The following GRM8 variants were observed in gnomAD, a reference collection of about 807,000 sequenced individuals.
GRM8 encodes metabotropic glutamate receptor 8.
GRM8 carries 47 observed loss-of-function variants against 87.2 expected under a neutral mutation model. The observed-to-expected ratio is 0.54, with a 90% CI of 0.43 to 0.69. The LOEUF is 0.69. Among genes scored for constraint, GRM8 ranks in the 30% least tolerant of loss-of-function variants. GRM8 has a pLI of 0.00. For synonymous variants in GRM8, 396 were observed against 404.5 expected, an observed-to-expected ratio of 0.98 and a Z score of 0.25; for missense variants, 1,019 against 1,139.2, an observed-to-expected ratio of 0.89 and a Z score of 1.52.
intron 3 of GRM8, among the ~76,000 whole-genome samples, chr7:126,953,123 C>T (rs183343080): frequency 2.1e-4 from 32 of 152,084 alleles, no homozygotes; most frequent in Admixed American, 9.8e-4. Flanking sequence ...AAAGGTATTG[C>T]CTTTACTTCA....
chr7:126,495,795 T>C (rs1383654086), intron 9 of GRM8, among the ~76,000 whole-genome samples: 1 of 152,000 alleles, frequency 6.6e-6, no homozygotes, highest in Non-Finnish European at 1.5e-5. Context: ...TTTCTGCTTC[T>C]TAAGCACATA....
At position 127,143,427 on chromosome 7, in the gene GRM8, G is replaced by A. The variant is rs559277677; in HGVS notation, c.511-36715C>T. Among the ~76,000 whole-genome samples, 129 of 152,236 alleles carry A rather than the reference G, an allele frequency of 8.5e-4. No individual in the cohort carries two copies. The South Asian group carries it at 0.016, about 19-fold the overall frequency. Reference sequence around the variant, plus strand: ...ATAAGTATTAACTAATATCCAGTGTGATACCTCTCAAAATAACTTGCTTAT... The same window carrying A: ...ATAAGTATTAACTAATATCCAGTGTAATACCTCTCAAAATAACTTGCTTAT... On this transcript the variant is annotated intron_variant, in intron 2 of 10. Transcript: ENST00000339582.
At chr7:127,213,702 C>T (rs1796356306) in intron 2 of GRM8, among the ~76,000 whole-genome samples, 1 of 152,148 alleles carries the variant, frequency 6.6e-6, no homozygotes, top group Non-Finnish European at 1.5e-5. Flanking sequence ...ATTCTTTCTT[C>T]ACTAGGTCTA....
intron 2 of GRM8, among the ~76,000 whole-genome samples, chr7:127,223,009 CAAG>C (rs1454727840): frequency 6.6e-6 from 1 of 152,124 alleles, no homozygotes; most frequent in Non-Finnish European, 1.5e-5. Context: ...GAGAGAGGAA[CAAG>C]AAGAAGAGCA....
chr7:126,628,622 T>C (rs996726171), intron 7 of GRM8, among the ~76,000 whole-genome samples: 3 of 152,234 alleles, frequency 2.0e-5, no homozygotes, highest in Non-Finnish European at 2.9e-5. Flanking sequence ...AACAATTACT[T>C]AAAATTTTTT....
intron 2 of GRM8, among the ~76,000 whole-genome samples, chr7:127,211,644 C>T (rs547171370): frequency 3.5e-4 from 54 of 152,322 alleles, no homozygotes; most frequent in South Asian, 4.1e-4. Flanking sequence ...GAGGCCCCAC[C>T]TTCATGGCTG....
Position 126,614,211 on chromosome 7 carries a change from C to T in GRM8, c.1358-4713G>A, listed in dbSNP as rs147696054. On this transcript the variant is annotated intron_variant, in intron 7 of 10. Coordinates refer to ENST00000339582, the MANE Select transcript of GRM8 (RefSeq NM_000845.3). ...AGGAACGGTCAGGCAGCATCGTTTG[C>T]TGTTCAGCAATATTCACTACTCTGC... 1.4e-4 allele frequency among the ~76,000 whole-genome samples: 21 copies of T among 152,304 alleles called. No individual in the cohort carries two copies. In the East Asian group the frequency reaches 4.1e-3, roughly 30 times the overall value.
intron 4 of GRM8, 99 bp downstream of exon 4, chr7:126,904,449 G>T: frequency 8.7e-7 from 1 of 1,152,564 alleles, no homozygotes; most frequent in Non-Finnish European, 1.3e-6. Context: ...TCTGTTATTG[G>T]AAGGCAATTA....
At chr7:126,783,285 A>G (rs1460292775) in intron 6 of GRM8, among the ~76,000 whole-genome samples, 1 of 152,184 alleles carries the variant, frequency 6.6e-6, no homozygotes, top group Non-Finnish European at 1.5e-5. Context: ...GGTTAATATC[A>G]ATGTTGTTAA....
chr7:126,966,871 A>G (rs1809923945), intron 3 of GRM8, among the ~76,000 whole-genome samples: 1 of 152,204 alleles, frequency 6.6e-6, no homozygotes, highest in South Asian at 2.1e-4. Flanking sequence ...GTCTGCTCTG[A>G]TGGACAAAAG....
chr7:126,508,123 C>T lies in GRM8; in HGVS notation c.2430+24829G>A, dbSNP rs114056431. On this transcript the variant is annotated intron_variant, in intron 9 of 10. Coordinates refer to ENST00000339582, the MANE Select transcript of GRM8 (RefSeq NM_000845.3). The stretch of plus-strand genomic sequence containing the variant: ...AAGTAATCTACACCTCCAACTTCAG[C>T]TTCTGGCCTAAATTACATTTTTATA... Among the ~76,000 whole-genome samples, 451 of 152,112 alleles carry T rather than the reference C, an allele frequency of 3.0e-3. 2 individuals are homozygous for T. Among genetic ancestry groups the T allele is most frequent in the African/African-American group, 0.011 (443 of 41,518 alleles).
chr7:126,873,069 A>T (rs1385414972), intron 6 of GRM8, among the ~76,000 whole-genome samples: 1 of 152,124 alleles, frequency 6.6e-6, no homozygotes, highest in Non-Finnish European at 1.5e-5. Flanking sequence ...ACACCTGCGC[A>T]TACATACACA....
chr7:127,247,330 T>C (rs1798631186), intron 1 of GRM8, among the ~76,000 whole-genome samples: 1 of 152,174 alleles, frequency 6.6e-6, no homozygotes, highest in Non-Finnish European at 1.5e-5. Context: ...TTAGCAGGTA[T>C]GATTAAAATA....
intron 3 of GRM8, among the ~76,000 whole-genome samples, chr7:127,056,698 T>C (rs961944179): frequency 1.3e-5 from 2 of 152,232 alleles, no homozygotes; most frequent in African/African-American, 4.8e-5. Context: ...TTATAAAGAA[T>C]TACTTTGCTT....
chr7:126,880,157 G>A (rs1475030872), intron 6 of GRM8, among the ~76,000 whole-genome samples: 3 of 152,138 alleles, frequency 2.0e-5, no homozygotes, highest in Non-Finnish European at 1.5e-5. Context: ...TCATTAAAAT[G>A]TTTATTAGAT....
At chr7:126,919,554 T>C (rs1804289289) in intron 3 of GRM8, among the ~76,000 whole-genome samples, 1 of 151,966 alleles carries the variant, frequency 6.6e-6, no homozygotes, top group South Asian at 2.1e-4. Context: ...CTTGGTCAGG[T>C]GCTAGGGATC....
intron 6 of GRM8, among the ~76,000 whole-genome samples, chr7:126,876,726 T>C (rs969343399): frequency 2.0e-5 from 3 of 152,144 alleles, no homozygotes; most frequent in Non-Finnish European, 4.4e-5. Flanking sequence ...TCAGCTAGCG[T>C]TTTCAATGTG....
At chr7:126,924,612 T>C (rs1238887908) in intron 3 of GRM8, among the ~76,000 whole-genome samples, 1 of 152,148 alleles carries the variant, frequency 6.6e-6, no homozygotes, top group Admixed American at 6.5e-5. Flanking sequence ...TCCTTCCTTT[T>C]TCCCTCCTTC....
At chr7:126,883,229 T>C (rs895777845) in intron 6 of GRM8, among the ~76,000 whole-genome samples, 2 of 152,186 alleles carry the variant, frequency 1.3e-5, no homozygotes, top group African/African-American at 4.8e-5. Context: ...TTAGGCCTGA[T>C]TTTCCTGGGC....
Sources: gnomAD v4.1 joint callset for allele counts (sites outside exome capture counted in the v4.1 genomes callset) on GRCh38, gnomAD v4.1.1 for gene constraint, MANE v1.5 for transcripts, NCBI Gene and HGNC (gene_info 2026-07-23, HGNC 2026-07-21) for gene names.